VWA8: variants seen among roughly 807,000 people sequenced by gnomAD.
The protein encoded by VWA8 is von Willebrand factor A domain containing 8.
VWA8 carries 221 observed loss-of-function variants against 241.5 expected under a neutral mutation model. The observed-to-expected ratio is 0.91, with a 90% CI of 0.82 to 1.02. VWA8 has a LOEUF of 1.02. Among genes scored for constraint, VWA8 ranks in the 50% least tolerant of loss-of-function variants. VWA8 has a pLI of 0.00. For missense variants in VWA8, 2,322 were observed against 2,328.7 expected, an observed-to-expected ratio of 1.00 and a Z score of 0.06; for synonymous variants, 852 against 827.1, an observed-to-expected ratio of 1.03 and a Z score of -0.52.
chr13:41,856,784 G>A (rs549169085), intron 12 of VWA8, among the ~76,000 whole-genome samples: 4 of 150,796 alleles, frequency 2.7e-5, no homozygotes, highest in East Asian at 2.0e-4. Flanking sequence ...AGATTGTGCC[G>A]TTGCACTCCA....
chr13:41,898,821 G>A (rs1410226842), intron 4 of VWA8, among the ~76,000 whole-genome samples: 5 of 152,274 alleles, frequency 3.3e-5, no homozygotes, highest in African/African-American at 7.2e-5. Flanking sequence ...CCGCTGGCCC[G>A]GGTGCTAAGT....
chr13:41,924,689 G>A (rs1347000279), intron 2 of VWA8, among the ~76,000 whole-genome samples: 1 of 151,048 alleles, frequency 6.6e-6, no homozygotes, highest in African/African-American at 2.5e-5. Flanking sequence ...TGAGCTGTTG[G>A]TTCACTTTCC....
chr13:41,663,904 G>C (rs2044969304), intron 37 of VWA8, among the ~76,000 whole-genome samples: 1 of 151,056 alleles, frequency 6.6e-6, no homozygotes, highest in African/African-American at 2.4e-5. Flanking sequence ...GTGCTGAATA[G>C]CTCATGTAAC....
chr13:41,647,979 A>G (rs2044842914), intron 37 of VWA8, among the ~76,000 whole-genome samples: 1 of 152,092 alleles, frequency 6.6e-6, no homozygotes, highest in South Asian at 2.1e-4. Context: ...AAGGAGCGAG[A>G]CTTTGTCTCA....
intron 2 of VWA8, among the ~76,000 whole-genome samples, chr13:41,937,128 A>G (rs968233983): frequency 3.3e-5 from 5 of 152,212 alleles, no homozygotes; most frequent in Non-Finnish European, 7.3e-5. Flanking sequence ...GCTGTACCAT[A>G]TAGCCTAGGT....
chr13:41,908,466 C>T (rs1171292128), intron 3 of VWA8, among the ~76,000 whole-genome samples: 2 of 151,484 alleles, frequency 1.3e-5, no homozygotes, highest in Non-Finnish European at 2.9e-5. Context: ...AGCAAGACTC[C>T]ATCTCAAGGG....
intron 5 of VWA8, among the ~76,000 whole-genome samples, chr13:41,888,571 C>T (rs540452881): frequency 6.6e-6 from 1 of 152,302 alleles, no homozygotes; most frequent in Admixed American, 6.5e-5. Context: ...ACCGTAAACA[C>T]AAGGGTCAGT....
intron 2 of VWA8, among the ~76,000 whole-genome samples, chr13:41,913,612 G>A (rs1876114443): frequency 6.6e-6 from 1 of 152,076 alleles, no homozygotes; most frequent in South Asian, 2.1e-4. Flanking sequence ...GTACTCCCCT[G>A]CCCCAAAGAA....
intron 12 of VWA8, among the ~76,000 whole-genome samples, chr13:41,838,207 T>C (rs1593806513): frequency 6.6e-6 from 1 of 152,174 alleles, no homozygotes; most frequent in Non-Finnish European, 1.5e-5. Context: ...AAGCTAATTT[T>C]TTTGAGAATT....
chr13:41,688,805 G>A (rs1175681286), intron 34 of VWA8, among the ~76,000 whole-genome samples: 1 of 152,044 alleles, frequency 6.6e-6, no homozygotes, highest in Admixed American at 6.6e-5. Flanking sequence ...GGGAACAACA[G>A]ATACTGACAC....
rs2045487364 is a variant in VWA8, at chr13:41,731,981, A to G, written c.2502+99T>C. The G allele has an allele frequency of 4.0e-6, 4 of 992,754 alleles. No individual in the cohort carries two copies. The South Asian group carries it at 4.5e-5, about 11-fold the overall frequency. 61.5% of individuals were successfully genotyped at this position (992,754 alleles called of 1,614,324 possible). A position where few individuals can be genotyped will look rare whatever the true frequency, so the allele number is the denominator to read the frequency against. On this transcript the variant is annotated intron_variant, in intron 22 of 44. Coordinates refer to ENST00000379310, the MANE Select transcript of VWA8 (RefSeq NM_015058.2). The stretch of plus-strand genomic sequence containing the variant: ...GTCTTTATAAGCAGCATGAAAACAG[A>G]CTAATACGTAATCCATGAGAGTTCC...
intron 9 of VWA8, among the ~76,000 whole-genome samples, chr13:41,882,029 G>A (rs1874243328): frequency 1.3e-5 from 2 of 148,460 alleles, no homozygotes; most frequent in South Asian, 4.3e-4. Context: ...CCGGGCGGAG[G>A]GGCTCCTCAC....
intron 37 of VWA8, among the ~76,000 whole-genome samples, chr13:41,655,761 T>C (rs1239969888): frequency 6.6e-6 from 1 of 152,258 alleles, no homozygotes; most frequent in Non-Finnish European, 1.5e-5. Flanking sequence ...GTAAAGGAAA[T>C]GCTATTGCAA....
In VWA8 at chr13:41,912,094, C is replaced by T. The variant is rs1876032921; in HGVS notation, c.316G>A (p.Val106Ile). ...GGCCCAGGAGGTCCTATTAGAAAAA[C>T]ATCTTGCCCCAAAAGATCCTTCTGC... Reference protein sequence around the residue: ...IMQKDLLGQDVFLIGPPGPLR... With the variant: ...IMQKDLLGQDIFLIGPPGPLR... Residue 106 changes from valine (V) to isoleucine (I), a missense_variant, in exon 3 of 45, where the codon GTT becomes ATT. By Grantham distance (29) the Val-to-Ile change is conservative. Coordinates refer to ENST00000379310, the MANE Select transcript of VWA8 (RefSeq NM_015058.2). The T allele has an allele frequency of 6.2e-7, 1 of 1,609,352 alleles. No individual in the cohort carries two copies. Among genetic ancestry groups the T allele is most frequent in the Non-Finnish European group, 8.5e-7 (1 of 1,177,046 alleles).
chr13:41,700,803 C>G (rs1306775527), intron 28 of VWA8, among the ~76,000 whole-genome samples: 1 of 152,098 alleles, frequency 6.6e-6, no homozygotes, highest in Non-Finnish European at 1.5e-5. Flanking sequence ...CTCAACAATT[C>G]TCATCTTATC....
intron 4 of VWA8, among the ~76,000 whole-genome samples, chr13:41,897,573 T>A (rs1055550218): frequency 3.3e-5 from 5 of 152,170 alleles, no homozygotes; most frequent in Non-Finnish European, 5.9e-5. Flanking sequence ...AAGTATTGTG[T>A]CCGAAATTGG....
chr13:41,782,113 A>G (rs1407870367), intron 19 of VWA8, among the ~76,000 whole-genome samples: 1 of 152,238 alleles, frequency 6.6e-6, no homozygotes, highest in African/African-American at 2.4e-5. Context: ...CTAATTCATA[A>G]TGCTTTAAGA....
In VWA8 at chr13:41,955,081, T is replaced by G. The variant is rs114999430; in HGVS notation, c.164-5068A>C. ...ACAAATGAATAATTATAATTTTAAA[T>G]TTTTTCTTAAGTATTGTTTTTAAGC... On this transcript the variant is annotated intron_variant, in intron 1 of 44. Transcript: ENST00000379310. Among the ~76,000 whole-genome samples the G allele has an allele frequency of 9.2e-3, 1,394 of 151,862 alleles. 30 individuals carry two copies. Among genetic ancestry groups the G allele is most frequent in the African/African-American group, 0.03 (1,252 of 41,134 alleles).
At chr13:41,823,124 T>A (rs538510479) in intron 14 of VWA8, among the ~76,000 whole-genome samples, 76 of 152,262 alleles carry the variant, frequency 5.0e-4, no homozygotes, top group African/African-American at 8.7e-4. Context: ...AGAATTTTTT[T>A]AAAAAATTTA....
Sources: gnomAD v4.1 joint callset for allele counts (sites outside exome capture counted in the v4.1 genomes callset) on GRCh38, gnomAD v4.1.1 for gene constraint, MANE v1.5 for transcripts, NCBI Gene and HGNC (gene_info 2026-07-23, HGNC 2026-07-21) for gene names.